The following SAMD5 variants were observed in gnomAD, a reference collection of about 807,000 sequenced individuals.
SAMD5 encodes the protein sterile alpha motif domain containing 5, also known as sterile alpha motif domain-containing protein 5.
In SAMD5, 13 loss-of-function variants were observed where a neutral mutation model predicts 11.3. That is an observed-to-expected ratio of 1.15 (90% confidence interval 0.75 to 1.83). SAMD5 has a LOEUF of 1.83. Among genes scored for constraint, SAMD5 ranks in the 40% most tolerant of loss-of-function variants. The pLI, the probability that SAMD5 is intolerant of heterozygous loss-of-function variation, is 0.00. For missense variants in SAMD5, 255 were observed against 239.1 expected (o/e 1.07, Z -0.44); for synonymous variants, 129 against 111.3 (o/e 1.16, Z -1.00).
At chr6:147,697,302 A>G (rs2128457486) in intron 1 of SAMD5, among the ~76,000 whole-genome samples, 1 of 152,310 alleles carries the variant, frequency 6.6e-6, no homozygotes, top group East Asian at 1.9e-4. Context: ...AAATACATGG[A>G]GAATTTCTTG....
chr6:147,800,307 G>A, the SAMD5 span, among the ~76,000 whole-genome samples: 2 of 152,182 alleles, frequency 1.3e-5, no homozygotes, highest in East Asian at 1.9e-4. Context: ...CTCAGCTGCA[G>A]GTCTGTTGGA....
At chr6:147,886,058 A>G in the SAMD5 span, among the ~76,000 whole-genome samples, 6 of 152,320 alleles carry the variant, frequency 3.9e-5, no homozygotes, top group African/African-American at 1.4e-4. Context: ...TTCTGAACCT[A>G]GATGCAAAAG....
chr6:147,546,311 C>T (rs1007750763), intron 1 of SAMD5, among the ~76,000 whole-genome samples: 1 of 152,128 alleles, frequency 6.6e-6, no homozygotes, highest in African/African-American at 2.4e-5. Flanking sequence ...GGGTGGATCA[C>T]CTGAGGTTGG....
chr6:147,813,929 A>T, the SAMD5 span, among the ~76,000 whole-genome samples: 320 of 152,276 alleles, frequency 2.1e-3, no homozygotes, highest in African/African-American at 7.3e-3. Flanking sequence ...TTAAATTACC[A>T]TTTCCTTATT....
At chr6:147,816,095 G>A in the SAMD5 span, among the ~76,000 whole-genome samples, 1,017 of 151,016 alleles carry the variant, frequency 6.7e-3, 32 homozygotes, top group East Asian at 0.045. Flanking sequence ...CCTGGCTAAC[G>A]TGGTGAAACC....
the SAMD5 span, among the ~76,000 whole-genome samples, chr6:147,774,446 A>C: frequency 6.6e-6 from 1 of 152,182 alleles, no homozygotes; most frequent in South Asian, 2.1e-4. Flanking sequence ...TTCCTTATAT[A>C]AAATGGCATG....
chr6:147,935,652 G>T, the SAMD5 span, among the ~76,000 whole-genome samples: 1 of 152,114 alleles, frequency 6.6e-6, no homozygotes, highest in Admixed American at 6.5e-5. Flanking sequence ...CTCCTTTTAT[G>T]AAACTGTATT....
intron 1 of SAMD5, among the ~76,000 whole-genome samples, chr6:147,587,309 C>T (rs1423139505): frequency 6.6e-6 from 1 of 152,130 alleles, no homozygotes; most frequent in Non-Finnish European, 1.5e-5. Context: ...GTGATGGCTG[C>T]TCACTGCAAC....
the SAMD5 span, among the ~76,000 whole-genome samples, chr6:147,857,308 G>T: frequency 6.7e-6 from 1 of 150,196 alleles, no homozygotes; most frequent in Non-Finnish European, 1.5e-5. Context: ...TTCGAGACCA[G>T]CCTGAGCAAC....
downstream of SAMD5, among the ~76,000 whole-genome samples, chr6:147,573,079 C>T (rs534006157): frequency 6.6e-6 from 1 of 152,296 alleles, no homozygotes; most frequent in East Asian, 1.9e-4. Context: ...CATTATGTGT[C>T]TTGTTTTCCT....
At chr6:147,806,871 C>T in the SAMD5 span, among the ~76,000 whole-genome samples, 3 of 152,048 alleles carry the variant, frequency 2.0e-5, no homozygotes, top group Non-Finnish European at 4.4e-5. Context: ...GTGGGGCCCT[C>T]ATAATGGGAT....
At chr6:147,512,665 G>T (rs1190788685) in intron 1 of SAMD5, among the ~76,000 whole-genome samples, 1 of 152,178 alleles carries the variant, frequency 6.6e-6, no homozygotes, top group Non-Finnish European at 1.5e-5. Flanking sequence ...CTTCTGCCCT[G>T]TATGTAGCTT....
At chr6:147,613,465 T>TAACA (rs1383866681) in intron 1 of SAMD5, among the ~76,000 whole-genome samples, 6 of 151,944 alleles carry the variant, frequency 3.9e-5, no homozygotes, top group Non-Finnish European at 4.4e-5. Context: ...TCTCTCCTCC[T>TAACA]AACAGTTCTC....
downstream of SAMD5, among the ~76,000 whole-genome samples, chr6:147,571,180 T>C (rs1789133318): frequency 6.6e-6 from 1 of 152,212 alleles, no homozygotes; most frequent in Admixed American, 6.5e-5. Context: ...CTTGATCTGA[T>C]AAGCATATTT....
At chr6:147,866,962 A>G in the SAMD5 span, among the ~76,000 whole-genome samples, 2 of 152,196 alleles carry the variant, frequency 1.3e-5, no homozygotes. Context: ...GTTATTTTCC[A>G]GTGTGAGAAA....
At chr6:147,533,485 GAAAGA>G (rs1157317203) in intron 1 of SAMD5, among the ~76,000 whole-genome samples, 459 of 146,778 alleles carry the variant, frequency 3.1e-3, no homozygotes, top group African/African-American at 9.2e-3. Flanking sequence ...AAAAAAGAAA[GAAAGA>G]AAAGAAACCA....
intron 1 of SAMD5, among the ~76,000 whole-genome samples, chr6:147,586,684 A>G (rs1386498047): frequency 6.6e-6 from 1 of 151,602 alleles, no homozygotes; most frequent in Non-Finnish European, 1.5e-5. Flanking sequence ...ATTTTAAATA[A>G]CAAAAAGATA....
the SAMD5 span, among the ~76,000 whole-genome samples, chr6:147,857,781 G>T: frequency 6.6e-6 from 1 of 152,024 alleles, no homozygotes; most frequent in South Asian, 2.1e-4. Context: ...ATGTACAAAG[G>T]GCTAATTAAT....
chr6:147,733,393 G>T (rs1276393247), intron 1 of SAMD5, among the ~76,000 whole-genome samples: 1 of 152,156 alleles, frequency 6.6e-6, no homozygotes, highest in Non-Finnish European at 1.5e-5. Context: ...GGAAGTGTGG[G>T]TTTTGTGTGC....
Sources: gnomAD v4.1 joint callset for allele counts (sites outside exome capture counted in the v4.1 genomes callset) on GRCh38, gnomAD v4.1.1 for gene constraint, MANE v1.5 for transcripts, NCBI Gene and HGNC (gene_info 2026-07-23, HGNC 2026-07-21) for gene names.